SPTBN4: variants seen among roughly 807,000 people sequenced by gnomAD.
SPTBN4 encodes spectrin beta chain, non-erythrocytic 4.
Under a neutral mutation model 277.8 loss-of-function variants are expected in SPTBN4, and 96 were observed. The observed-to-expected ratio is 0.35, with a 90% CI of 0.29 to 0.41. The LOEUF is 0.41. Among genes scored for constraint, SPTBN4 ranks in the 10% least tolerant of loss-of-function variants. The pLI is 1.00. For synonymous variants in SPTBN4, 1,481 were observed against 1,580.3 expected (o/e 0.94, Z 1.49); for missense variants, 3,006 against 3,595.7 (o/e 0.84, Z 4.19).
Position 40,502,796 on chromosome 19 carries a change from G to T in SPTBN4, c.1225G>T (p.Ala409Ser). Residue 409 changes from alanine (A) to serine (S), a missense_variant, in exon 11 of 36, where the codon GCT becomes TCT. This residue lies in a region of SPTBN4 where 1,759 missense variants were observed against 2,061.5 expected (regional missense o/e 0.85). Coordinates refer to ENST00000598249, the MANE Select transcript of SPTBN4 (RefSeq NM_020971.3). The surrounding 1 kb of genome is among the most constrained non-coding windows in gnomAD (Gnocchi z 4.9). The part of the protein sequence containing the change: ...IDKAWGELEK[A>S]EHEREAALRA... ...GCAGGCATGGGGTGAGCTGGAGAAG[G>T]CTGAGCATGAGCGGGAGGCTGCCCT... The T allele has an allele frequency of 6.2e-7, 1 of 1,613,920 alleles. No homozygotes were observed. The highest frequency in any genetic ancestry group is 2.2e-5 in the East Asian group (1 of 44,878).
chr19:40,513,227 G>T lies in SPTBN4; in HGVS notation c.2438G>T (p.Arg813Leu), dbSNP rs906462120. Residue 813 changes from arginine to leucine, a missense_variant, in exon 14 of 36, where the codon CGC becomes CTC. This residue lies in a region of SPTBN4 where 1,759 missense variants were observed against 2,061.5 expected (regional missense o/e 0.85). Coordinates refer to ENST00000598249, the MANE Select transcript of SPTBN4 (RefSeq NM_020971.3). ...HDEASSRRLA[R>L]QHRALTGEVE... ...GAAGCTTCCAGCCGCCGCCTGGCGC[G>T]CCAGCACCGCGCGCTCACCGGGGAG... The T allele has an allele frequency of 6.6e-6, 10 of 1,513,718 alleles. No individual in the cohort carries two copies. The highest frequency in any genetic ancestry group is 1.2e-5 in the South Asian group (1 of 81,828). The allele number at this position is 1,513,718 out of a possible 1,614,324, so 93.8% of individuals were successfully genotyped here.
intron 27 of SPTBN4, among the ~76,000 whole-genome samples, chr19:40,564,652 A>T (rs1164177464): frequency 6.6e-6 from 1 of 151,972 alleles, no homozygotes; most frequent in Admixed American, 6.6e-5. Context: ...AGCCTGGGCA[A>T]CATAGCAAGA....
chr19:40,522,244 T>A (rs1280761932), intron 16 of SPTBN4, among the ~76,000 whole-genome samples: 1 of 151,968 alleles, frequency 6.6e-6, no homozygotes, highest in Non-Finnish European at 1.5e-5. Context: ...CCCAGGCTGG[T>A]CTTGAACTCC....
At chr19:40,528,750 T>C (rs926306881) in intron 17 of SPTBN4, among the ~76,000 whole-genome samples, 4 of 152,028 alleles carry the variant, frequency 2.6e-5, no homozygotes, top group Admixed American at 2.0e-4. Flanking sequence ...TGTCTTTACT[T>C]CTCTGTTATC....
At chr19:40,470,549 T>C (rs7256395) in intron 1 of SPTBN4, among the ~76,000 whole-genome samples, 91,083 of 151,298 alleles carry the variant, frequency 0.6, 28,882 homozygotes, top group African/African-American at 0.76. Flanking sequence ...TCAAGCGATC[T>C]GCCTGCCTTG....
chr19:40,553,363 TC>T (rs2145929195), intron 22 of SPTBN4, among the ~76,000 whole-genome samples: 1 of 152,182 alleles, frequency 6.6e-6, no homozygotes, highest in African/African-American at 2.4e-5. Context: ...ACACCTGTAG[TC>T]CCAGCCGCTT....
intron 17 of SPTBN4, among the ~76,000 whole-genome samples, chr19:40,525,357 C>T (rs958356446): frequency 1.5e-5 from 2 of 136,618 alleles, no homozygotes; most frequent in South Asian, 4.6e-4. Context: ...GGATCTTACT[C>T]TGTTGCCCAG....
In SPTBN4 at chr19:40,554,243, G is replaced by A. The variant is rs1232273625; in HGVS notation, c.4771G>A (p.Ala1591Thr). The change falls in exon 23 of 36, where the codon GCA becomes ACA. Residue 1591 changes from alanine to threonine, a missense_variant. Physicochemically the swap from Ala to Thr is moderately conservative, Grantham distance 58 (BLOSUM62 0). Coordinates refer to ENST00000598249, the MANE Select transcript of SPTBN4 (RefSeq NM_020971.3). The surrounding 1 kb of genome is among the most constrained non-coding windows in gnomAD (Gnocchi z 5.7). Reference sequence around the variant, plus strand: ...GTCGCTGCGCAGCCCGGAGGCAGAGGCAGTGCGCCGGGGCCTGGAGCAGCT... The same window carrying A: ...GTCGCTGCGCAGCCCGGAGGCAGAGACAGTGCGCCGGGGCCTGGAGCAGCT... ...LASLRSPEAE[A>T]VRRGLEQLQS... The A allele has an allele frequency of 3.3e-6, 5 of 1,525,782 alleles. No homozygotes were observed. In the Admixed American group the frequency reaches 8.0e-5, roughly 24 times the overall value. The allele number at this position is 1,525,782 out of a possible 1,614,324, so 94.5% of individuals were successfully genotyped here.
rs767003428 is a variant in SPTBN4, at chr19:40,565,476, A to C, written c.5969A>C (p.Glu1990Ala). The C allele has an allele frequency of 5.6e-6, 9 of 1,614,048 alleles. No homozygotes were observed. Among genetic ancestry groups the C allele is most frequent in the Non-Finnish European group, 7.6e-6 (9 of 1,179,998 alleles). Residue 1990 changes from glutamate (E) to alanine (A), a missense_variant, in exon 28 of 36, where the codon GAG becomes GCG. By Grantham distance (107) the Glu-to-Ala change is moderately radical. This residue lies in a region of SPTBN4 where 425 missense variants were observed against 594.7 expected (regional missense o/e 0.71). Coordinates refer to ENST00000598249, the MANE Select transcript of SPTBN4 (RefSeq NM_020971.3). Reference sequence around the variant, plus strand: ...AACTACCACCAGGGCCTGAAGACTGAGCTGGAGGCGCGGGTGCCTGAGCTG... The same window carrying C: ...AACTACCACCAGGGCCTGAAGACTGCGCTGGAGGCGCGGGTGCCTGAGCTG... The part of the protein sequence containing the change: ...LMNYHQGLKT[E>A]LEARVPELTT...
intron 17 of SPTBN4, among the ~76,000 whole-genome samples, chr19:40,525,320 C>CT (rs34066431): frequency 0.13 from 16,646 of 130,536 alleles, 1,396 homozygotes; most frequent in East Asian, 0.27. Context: ...CTTTGTTCCA[C>CT]TTTTTTTTTT....
chr19:40,561,120 T>A (rs1020293713), intron 27 of SPTBN4, among the ~76,000 whole-genome samples: 3 of 152,196 alleles, frequency 2.0e-5, no homozygotes, highest in Admixed American at 6.6e-5. Context: ...TTCAAGCGAT[T>A]CTCCTGCCTC....
At chr19:40,473,842 C>G (rs546045795) in intron 2 of SPTBN4, among the ~76,000 whole-genome samples, 3 of 151,790 alleles carry the variant, frequency 2.0e-5, no homozygotes, top group African/African-American at 7.2e-5. Context: ...TCTTAGACCT[C>G]TTGAAATGAA....
rs745908166 is a variant in SPTBN4, at chr19:40,503,851, C to T, written c.1384C>T (p.Pro462Ser). 1.3e-6 allele frequency: 2 copies of T among 1,595,176 alleles called. No individual in the cohort carries two copies. Among genetic ancestry groups the T allele is most frequent in the Non-Finnish European group, 1.7e-6 (2 of 1,167,568 alleles). ...CCAGGACAACTTTGGGTATGAGCTG[C>T]CCGCAGTGGAGGCAGCCATGAAGAA... is the stretch of plus-strand genomic sequence containing the variant. Reference protein sequence around the residue: ...VSQDNFGYELPAVEAAMKKHE... With the variant: ...VSQDNFGYELSAVEAAMKKHE... Residue 462 changes from proline (P) to serine (S), a missense_variant, in exon 12 of 36, where the codon CCC becomes TCC. Around this residue, in one of 5 missense-constraint regions of SPTBN4, gnomAD observed 1,759 missense variants for 2,061.5 expected, o/e 0.85. Transcript: ENST00000598249.
chr19:40,502,790 G>C lies in SPTBN4; in HGVS notation c.1219G>C (p.Glu407Gln). 1 of 1,613,912 alleles carries C rather than the reference G, an allele frequency of 6.2e-7. No individual in the cohort carries two copies. The highest frequency in any genetic ancestry group is 1.1e-5 in the South Asian group (1 of 91,076). Residue 407 changes from glutamate to glutamine, a missense_variant, in exon 11 of 36, where the codon GAG (glutamate) becomes CAG (glutamine). By Grantham distance (29) the Glu-to-Gln change is conservative. Transcript: ENST00000598249. This position sits in a 1 kb window ranked among gnomAD's most constrained non-coding sequence, Gnocchi z 4.9. ...WDIDKAWGEL[E>Q]KAEHEREAAL... ...TCTCCTGCAGGCATGGGGTGAGCTG[G>C]AGAAGGCTGAGCATGAGCGGGAGGC...
chr19:40,567,781 G>T lies in SPTBN4; in HGVS notation c.6455G>T (p.Gly2152Val). ...AKAAPLLRPG[G>V]YERGLEPLAR... ...GCGGCGCCCCTGCTGCGGCCAGGGGGCTATGAAAGGGGCTTGGAGCCCCTG... is the reference window on the plus strand; with the variant it reads ...GCGGCGCCCCTGCTGCGGCCAGGGGTCTATGAAAGGGGCTTGGAGCCCCTG... Residue 2152 changes from glycine (G) to valine (V), a missense_variant, in exon 31 of 36, where the codon GGC becomes GTC. Transcript: ENST00000598249. 3 of 1,522,982 alleles carry T rather than the reference G, an allele frequency of 2.0e-6. No homozygotes were observed. 94.3% of individuals were successfully genotyped at this position (1,522,982 alleles called of 1,614,324 possible).
chr19:40,554,307 G>T lies in SPTBN4; in HGVS notation c.4835G>T (p.Arg1612Leu), dbSNP rs1323947242. 3 of 1,543,778 alleles carry T rather than the reference G, an allele frequency of 1.9e-6. No individual in the cohort carries two copies. Among genetic ancestry groups the T allele is most frequent in the Admixed American group, 1.9e-5 (1 of 51,580 alleles). Residue 1612 changes from arginine to leucine, a missense_variant, in exon 23 of 36, where the codon CGA (arginine) becomes CTA (leucine). Coordinates refer to ENST00000598249, the MANE Select transcript of SPTBN4 (RefSeq NM_020971.3). The surrounding 1 kb of genome is among the most constrained non-coding windows in gnomAD (Gnocchi z 5.7). Reference sequence around the variant, plus strand: ...GCCGGACTGCGGGAGGCTGCCGAGCGACGGCAGCAGGTGCTGGACGCCGCC... The same window carrying T: ...GCCGGACTGCGGGAGGCTGCCGAGCTACGGCAGCAGGTGCTGGACGCCGCC... ...AWAGLREAAE[R>L]RQQVLDAAFQ...
chr19:40,541,860 T>G (rs796409790), intron 20 of SPTBN4, among the ~76,000 whole-genome samples: 16 of 152,224 alleles, frequency 1.1e-4, no homozygotes, highest in African/African-American at 3.9e-4. Context: ...TTCCCCAGCC[T>G]CCCCAGTAGC....
chr19:40,546,049 C>CA (rs35750238), intron 20 of SPTBN4, among the ~76,000 whole-genome samples: 465 of 91,740 alleles, frequency 5.1e-3, no homozygotes, highest in East Asian at 9.4e-3. Flanking sequence ...GACTCTGCCT[C>CA]AAAAAAAAAA....
intron 2 of SPTBN4, among the ~76,000 whole-genome samples, chr19:40,479,182 C>T (rs932247628): frequency 1.3e-5 from 2 of 152,158 alleles, no homozygotes; most frequent in African/African-American, 2.4e-5. Context: ...ACTGCAGCCT[C>T]GACCTCCCAG....
Sources: allele counts gnomAD v4.1 joint callset (sites outside exome capture counted in the v4.1 genomes callset), GRCh38; gene constraint gnomAD v4.1.1; regional missense constraint gnomAD v4.1.1; non-coding constraint Gnocchi (gnomAD v3.1); transcripts MANE v1.5; gene names NCBI Gene and HGNC (gene_info 2026-07-23, HGNC 2026-07-21).